C10orf90: variants seen among roughly 807,000 people sequenced by gnomAD.
C10orf90 encodes chromosome 10 open reading frame 90.
Under a neutral mutation model 62.5 loss-of-function variants are expected in C10orf90, and 56 were observed. That is an observed-to-expected ratio of 0.90 (90% confidence interval 0.72 to 1.12). The LOEUF (loss-of-function observed/expected upper bound fraction) is 1.12. C10orf90 is among the 50% of genes most tolerant of loss of function. C10orf90 has a pLI of 0.00. For missense variants in C10orf90, 970 were observed against 880.4 expected, an observed-to-expected ratio of 1.10 and a Z score of -1.29; for synonymous variants, 386 against 340.4, an observed-to-expected ratio of 1.13 and a Z score of -1.47.
intron 3 of C10orf90, among the ~76,000 whole-genome samples, chr10:126,510,392 C>T (rs1181737075): frequency 2.0e-5 from 3 of 152,212 alleles, no homozygotes; most frequent in Non-Finnish European, 2.9e-5. Context: ...ACATCTTTTA[C>T]ACCAAATATC....
intron 2 of C10orf90, among the ~76,000 whole-genome samples, chr10:126,585,399 G>GC: frequency 8.0e-6 from 1 of 125,626 alleles, no homozygotes; most frequent in African/African-American, 3.1e-5. Flanking sequence ...AAAGAAGGAA[G>GC]AAAAGGAGGG....
intron 2 of C10orf90, among the ~76,000 whole-genome samples, chr10:126,536,553 C>T (rs185094481): frequency 7.8e-4 from 118 of 152,230 alleles, no homozygotes; most frequent in African/African-American, 2.8e-3. Flanking sequence ...ACAGGGAGTT[C>T]GACCCAGACT....
In C10orf90 at chr10:126,503,682, C is replaced by T. The variant is rs902302744; in HGVS notation, c.1534+275G>A. Among the ~76,000 whole-genome samples, 10 of 152,234 alleles carry T rather than the reference C, an allele frequency of 6.6e-5. No individual in the cohort carries two copies. In the Middle Eastern group the frequency reaches 0.01, roughly 155 times the overall value. ...GTTGTAAATTAACTTCCTTTGGAGG[C>T]CCTCATTTCCTTCTCATTACATATG... On this transcript the variant is annotated intron_variant, in intron 4 of 9. Transcript: ENST00000488181.
intron 3 of C10orf90, among the ~76,000 whole-genome samples, chr10:126,510,775 T>C (rs1318395439): frequency 6.6e-6 from 1 of 152,264 alleles, no homozygotes; most frequent in Non-Finnish European, 1.5e-5. Flanking sequence ...ATTGACTGTT[T>C]TTAACTTTAT....
chr10:126,562,389 A>G (rs964745476), intron 2 of C10orf90, among the ~76,000 whole-genome samples: 2 of 152,116 alleles, frequency 1.3e-5, no homozygotes, highest in Non-Finnish European at 2.9e-5. Flanking sequence ...CCTCACCAAG[A>G]CGAACCTGCT....
intron 4 of C10orf90, among the ~76,000 whole-genome samples, chr10:126,483,219 T>C (rs1003602772): frequency 2.0e-5 from 3 of 152,230 alleles, no homozygotes; most frequent in Non-Finnish European, 4.4e-5. Context: ...ACCAAGAGCA[T>C]TTCATTCTTC....
chr10:126,512,640 T>C (rs1389110774), intron 3 of C10orf90, among the ~76,000 whole-genome samples: 1 of 151,976 alleles, frequency 6.6e-6, no homozygotes, highest in Non-Finnish European at 1.5e-5. Flanking sequence ...TGACTCAATC[T>C]CTCTCCTCCT....
chr10:126,655,172 G>T (rs1846368159), intron 1 of C10orf90, among the ~76,000 whole-genome samples: 5 of 152,088 alleles, frequency 3.3e-5, no homozygotes, highest in Non-Finnish European at 7.4e-5. Flanking sequence ...ACAAAAATTA[G>T]CTGGGCATGG....
At chr10:126,534,599 T>TA (rs1375403350) in intron 2 of C10orf90, among the ~76,000 whole-genome samples, 2 of 152,156 alleles carry the variant, frequency 1.3e-5, no homozygotes, top group African/African-American at 2.4e-5. Flanking sequence ...CCATGATGTC[T>TA]ACAGAAAAAG....
chr10:126,595,368 G>A (rs780511675), intron 2 of C10orf90, among the ~76,000 whole-genome samples: 19 of 152,310 alleles, frequency 1.2e-4, no homozygotes, highest in Middle Eastern at 3.4e-3. Context: ...AGAGCCTTTG[G>A]ACGACTGCCA....
intron 7 of C10orf90, among the ~76,000 whole-genome samples, chr10:126,442,756 C>T (rs1307268509): frequency 7.0e-6 from 1 of 143,306 alleles, no homozygotes; most frequent in Admixed American, 7.1e-5. Context: ...GACCATATGA[C>T]AGGCTACAAA....
At chr10:126,464,639 C>T in intron 5 of C10orf90, 57 bp downstream of exon 5, 1 of 1,542,262 alleles carries the variant, frequency 6.5e-7, no homozygotes, top group Non-Finnish European at 8.8e-7. Context: ...AGGCAATCAA[C>T]AAATTTTTAT....
At chr10:126,542,886 A>C (rs1439194333) in intron 2 of C10orf90, among the ~76,000 whole-genome samples, 1 of 152,240 alleles carries the variant, frequency 6.6e-6, no homozygotes, top group African/African-American at 2.4e-5. Flanking sequence ...ATAGGATTCA[A>C]TGCCACATGT....
chr10:126,511,947 T>C (rs1863129242), intron 3 of C10orf90: 1 of 151,850 alleles, frequency 6.6e-6, no homozygotes, highest in Middle Eastern at 3.2e-3. Flanking sequence ...TTCCCATCAT[T>C]GCTACAGCTT....
At chr10:126,496,470 T>C (rs1320268101) in intron 4 of C10orf90, among the ~76,000 whole-genome samples, 1 of 152,226 alleles carries the variant, frequency 6.6e-6, no homozygotes, top group Non-Finnish European at 1.5e-5. Flanking sequence ...ATTGCTTATA[T>C]ATTTTCTCTT....
intron 2 of C10orf90, among the ~76,000 whole-genome samples, chr10:126,555,085 T>C (rs1305074922): frequency 6.6e-6 from 1 of 152,186 alleles, no homozygotes; most frequent in East Asian, 1.9e-4. Context: ...ATGTGGCGTC[T>C]GCACATTATC....
At chr10:126,538,135 A>C (rs1864283112) in intron 2 of C10orf90, among the ~76,000 whole-genome samples, 1 of 152,186 alleles carries the variant, frequency 6.6e-6, no homozygotes, top group Admixed American at 6.5e-5. Context: ...TCATGGTGGA[A>C]GGCAAAAAAG....
At chr10:126,436,443 AT>A (rs142057357) in intron 7 of C10orf90, among the ~76,000 whole-genome samples, 5,855 of 152,248 alleles carry the variant, frequency 0.038, 292 homozygotes, top group East Asian at 0.29. Context: ...ACAAAAAAAA[AT>A]GAGCATTAGA....
chr10:126,489,707 G>A (rs986007888), intron 4 of C10orf90, among the ~76,000 whole-genome samples: 1 of 151,696 alleles, frequency 6.6e-6, no homozygotes, highest in Non-Finnish European at 1.5e-5. Context: ...ATATGATCCA[G>A]TAATTCCACA....
Sources: gnomAD v4.1 joint callset for allele counts (sites outside exome capture counted in the v4.1 genomes callset) on GRCh38, gnomAD v4.1.1 for gene constraint, MANE v1.5 for transcripts, NCBI Gene and HGNC (gene_info 2026-07-23, HGNC 2026-07-21) for gene names.